The following ALB variants were observed in gnomAD, a reference collection of about 807,000 sequenced individuals.
ALB encodes albumin.
In ALB, 37 loss-of-function variants were observed where a neutral mutation model predicts 74.5. That is an observed-to-expected ratio of 0.50 (90% CI 0.38 to 0.65). The LOEUF (loss-of-function observed/expected upper bound fraction) is 0.65. Among genes scored for constraint, ALB ranks in the 30% least tolerant of loss-of-function variants. The pLI is 0.00. For missense variants in ALB, 685 were observed against 718.7 expected (o/e 0.95, Z 0.54); for synonymous variants, 249 against 251.6 (o/e 0.99, Z 0.10).
chr4:73,412,266 T>G lies in ALB; in HGVS notation c.843+141T>G, dbSNP rs539133110. Reference sequence around the variant, plus strand: ...GTCTGTCCTATCTTCAATCTTTCCCTGCCTATGGTGGTGGTACCTTTCTGT... The same window carrying G: ...GTCTGTCCTATCTTCAATCTTTCCCGGCCTATGGTGGTGGTACCTTTCTGT... On this transcript the variant is annotated intron_variant, in intron 7 of 14. Transcript: ENST00000295897. The G allele has an allele frequency of 6.6e-6, 7 of 1,053,614 alleles. No homozygotes were observed. The African/African-American group carries it at 9.3e-5, about 14-fold the overall frequency. 65.3% of individuals were successfully genotyped at this position (1,053,614 alleles called of 1,614,324 possible).
In ALB at chr4:73,413,608, T is replaced by C. The variant is rs758371956; in HGVS notation, c.1032T>C (p.Ala344=). The C allele has an allele frequency of 6.2e-7, 1 of 1,614,160 alleles. No homozygotes were observed. The highest frequency in any genetic ancestry group is 1.1e-5 in the South Asian group (1 of 91,082). The change falls in exon 8 of 15, where the codon GCT becomes GCC. Residue 344 remains alanine (A), a synonymous_variant. Coordinates refer to ENST00000295897, the MANE Select transcript of ALB (RefSeq NM_000477.7). ...VESKDVCKNY[A]EAKDVFLGMF... ...GTAAGGATGTTTGCAAAAACTATGC[T>C]GAGGCAAAGGATGTCTTCCTGGGCA...
chr4:73,407,836 C>T (rs1356785328), intron 3 of ALB, among the ~76,000 whole-genome samples: 1 of 152,140 alleles, frequency 6.6e-6, no homozygotes, highest in Non-Finnish European at 1.5e-5. Context: ...TCTATATATA[C>T]CTCTTGTGGG....
At position 73,418,263 on chromosome 4, in the gene ALB, C is replaced by A. The variant is rs1398153143; in HGVS notation, c.1604C>A (p.Ala535Glu). The part of the protein sequence containing the change: ...EFNAETFTFH[A>E]DICTLSEKER... ...AATGCTGAAACATTCACCTTCCATG[C>A]AGATATATGCACACTTTCTGAGAAG... The change falls in exon 12 of 15, where the codon GCA (alanine) becomes GAA (glutamate). Residue 535 changes from alanine (A) to glutamate (E), a missense_variant. Physicochemically the swap from Ala to Glu is moderately radical, Grantham distance 107. Coordinates refer to ENST00000295897, the MANE Select transcript of ALB (RefSeq NM_000477.7). 1 of 1,613,920 alleles carries A rather than the reference C, an allele frequency of 6.2e-7. No homozygotes were observed. Among genetic ancestry groups the A allele is most frequent in the African/African-American group, 1.3e-5 (1 of 74,900 alleles).
Position 73,417,609 on chromosome 4 carries a change from A to G in ALB, c.1368A>G (p.Lys456=). 6.2e-7 allele frequency: 1 copy of G among 1,614,022 alleles called. No homozygotes were observed. Among genetic ancestry groups the G allele is most frequent in the Non-Finnish European group, 8.5e-7 (1 of 1,179,920 alleles). The change falls in exon 11 of 15, where the codon AAA becomes AAG. Residue 456 remains lysine, a synonymous_variant. Coordinates refer to ENST00000295897, the MANE Select transcript of ALB (RefSeq NM_000477.7). ...TAGAGGTCTCAAGAAACCTAGGAAA[A>G]GTGGGCAGCAAATGTTGTAAACATC... ...TLVEVSRNLG[K]VGSKCCKHPE...
rs77635837 is a variant in ALB at position 73,418,313 on chromosome 4, T to C, written c.1652+2T>C. 2 of 1,610,168 alleles carry C rather than the reference T, an allele frequency of 1.2e-6. No individual in the cohort carries two copies. Among genetic ancestry groups the C allele is most frequent in the Non-Finnish European group, 8.5e-7 (1 of 1,177,300 alleles). ...GGAGAGACAAATCAAGAAACAAACG[T>C]GAGGAGTATTTCATTACTGCATGTG... On this transcript the variant is annotated splice_donor_variant, in intron 12 of 14. Transcript: ENST00000295897. LOFTEE classifies it high-confidence loss of function.
chr4:73,415,241 G>A, intron 9 of ALB, 74 bp downstream of exon 9: 1 of 1,548,696 alleles, frequency 6.5e-7, no homozygotes, highest in Non-Finnish European at 8.9e-7. Flanking sequence ...AATAATGCAA[G>A]AATGTAAAAT....
rs747911288 is a variant in ALB, at chr4:73,404,313, C to T, written c.-15C>T. 15 of 1,607,956 alleles carry T rather than the reference C, an allele frequency of 9.3e-6. No individual in the cohort carries two copies. Among genetic ancestry groups the T allele is most frequent in the Middle Eastern group, 1.7e-4 (1 of 6,050 alleles). On this transcript the variant is annotated 5_prime_UTR_variant, in exon 1 of 15. Coordinates refer to ENST00000295897, the MANE Select transcript of ALB (RefSeq NM_000477.7). ...TAGCTTTTCTCTTCTGTCAACCCCA[C>T]ACGCCTTTGGCACAATGAAGTGGGT...
At chr4:73,408,557 A>C in intron 3 of ALB, 37 bp from the exon 4 acceptor site, 2 of 1,560,064 alleles carry the variant, frequency 1.3e-6, no homozygotes, top group Non-Finnish European at 1.8e-6. Flanking sequence ...GAAAAAAGGT[A>C]CTGTCCAGCA....
chr4:73,416,070 T>A (rs899864830), intron 9 of ALB, among the ~76,000 whole-genome samples, 186 bp from the exon 10 acceptor site: 2 of 152,160 alleles, frequency 1.3e-5, no homozygotes, highest in African/African-American at 4.8e-5. Flanking sequence ...TCTTAACCAC[T>A]TACATGATGC....
At chr4:73,409,069 G>A (rs1016851773) in intron 4 of ALB, 10 of 571,954 alleles carry the variant, frequency 1.7e-5, no homozygotes, top group African/African-American at 9.4e-5. Flanking sequence ...AATGTATTAC[G>A]AAGATATGTA....
chr4:73,411,054 C>T (rs553549083), intron 6 of ALB, among the ~76,000 whole-genome samples: 22 of 152,190 alleles, frequency 1.4e-4, no homozygotes, highest in Middle Eastern at 3.4e-3. Flanking sequence ...ACTTTAATAG[C>T]CGAGTCAAGA....
chr4:73,416,130 T>A (rs962876148), intron 9 of ALB, 126 bp from the exon 10 acceptor site: 5 of 702,122 alleles, frequency 7.1e-6, no homozygotes, highest in Non-Finnish European at 1.3e-5. Flanking sequence ...GCGGCATTGA[T>A]ATTCATCTAT....
At chr4:73,418,001 A>C in intron 11 of ALB, 87 bp from the exon 12 acceptor site, 1 of 1,267,684 alleles carries the variant, frequency 7.9e-7, no homozygotes, top group Non-Finnish European at 1.1e-6. Context: ...GGTGCATGCC[A>C]CCATGCCTGG....
At chr4:73,420,162 T>C in intron 13 of ALB, 92 bp from the exon 14 acceptor site, 1 of 1,131,866 alleles carries the variant, frequency 8.8e-7, no homozygotes, top group South Asian at 1.3e-5. Flanking sequence ...GTGAAATCAC[T>C]TTGCAATCAT....
chr4:73,411,402 A>T (rs1288700240), intron 6 of ALB, among the ~76,000 whole-genome samples: 1 of 152,178 alleles, frequency 6.6e-6, no homozygotes, highest in African/African-American at 2.4e-5. Flanking sequence ...ATAGTGCTGG[A>T]TCTTTCTTTT....
intron 5 of ALB, among the ~76,000 whole-genome samples, chr4:73,409,983 C>T (rs1241546087): frequency 6.6e-6 from 1 of 152,042 alleles, no homozygotes; most frequent in Non-Finnish European, 1.5e-5. Flanking sequence ...ATGAATTATA[C>T]ACAAAATTTA....
In ALB at chr4:73,405,151, G is replaced by A; in HGVS notation, c.115G>A (p.Gly39Arg). The change falls in exon 2 of 15, where the codon GGA (glycine) becomes AGA (arginine). Residue 39 changes from glycine to arginine, a missense_variant. Transcript: ENST00000295897. ...SEVAHRFKDL[G>R]EENFKALVLI... ...GGTTGCTCATCGGTTTAAAGATTTG[G>A]GAGAAGAAAATTTCAAAGCCTTGTA... 2 of 1,613,486 alleles carry A rather than the reference G, an allele frequency of 1.2e-6. No homozygotes were observed. The highest frequency in any genetic ancestry group is 1.7e-6 in the Non-Finnish European group (2 of 1,179,616).
At chr4:73,409,027 T>C in intron 4 of ALB, 1 of 585,222 alleles carries the variant, frequency 1.7e-6, no homozygotes, top group Non-Finnish European at 3.0e-6. Context: ...GGATACAATC[T>C]TTCTGAAAAA....
chr4:73,412,004 C>G lies in ALB; in HGVS notation c.722C>G (p.Ala241Gly). The change falls in exon 7 of 15, where the codon GCT becomes GGT. Residue 241 changes from alanine (A) to glycine (G), a missense_variant. Coordinates refer to ENST00000295897, the MANE Select transcript of ALB (RefSeq NM_000477.7). ...GGCGATTTTCTTTTTAGGGCAGTAG[C>G]TCGCCTGAGCCAGAGATTTCCCAAA... is the stretch of plus-strand genomic sequence containing the variant. The part of the protein sequence containing the change: ...GERAFKAWAV[A>G]RLSQRFPKAE... 6.2e-7 allele frequency: 1 copy of G among 1,614,094 alleles called. No homozygotes were observed. Among genetic ancestry groups the G allele is most frequent in the Non-Finnish European group, 8.5e-7 (1 of 1,180,000 alleles).
Sources: allele counts gnomAD v4.1 joint callset (sites outside exome capture counted in the v4.1 genomes callset), GRCh38; gene constraint gnomAD v4.1.1; transcripts MANE v1.5; gene names NCBI Gene and HGNC (gene_info 2026-07-23, HGNC 2026-07-21).